Variants in ZC4H2 observed in about 807,000 individuals in gnomAD.
The protein encoded by ZC4H2 is zinc finger C4H2 domain-containing protein.
For missense variants in ZC4H2, 137 were observed against 173.9 expected (o/e 0.79, Z 1.19); for synonymous variants, 84 against 66.3 (o/e 1.27, Z -1.30).
At chrX:64,918,836 A>G in intron 4 of ZC4H2, 1 of 355,896 alleles carries the variant, frequency 2.8e-6, no homozygotes, top group Non-Finnish European at 4.6e-6. Flanking sequence ...CTGCATTCTA[A>G]CACCTCTGGG....
At chrX:64,964,276 G>A (rs1473110163) in intron 1 of ZC4H2, among the ~76,000 whole-genome samples, 1 of 110,989 alleles carries the variant, frequency 9.0e-6, no homozygotes, top group Non-Finnish European at 1.9e-5. Flanking sequence ...AGACCAAGAA[G>A]AAAGAGGAAG....
At chrX:64,936,425 C>T (rs1323570319) in intron 1 of ZC4H2, among the ~76,000 whole-genome samples, 1 of 110,913 alleles carries the variant, frequency 9.0e-6, no homozygotes, top group Non-Finnish European at 1.9e-5. Context: ...ACAGAGAACA[C>T]CTCAAAGATA....
chrX:64,935,606 G>C (rs146098820), intron 1 of ZC4H2, among the ~76,000 whole-genome samples: 1 of 112,083 alleles, frequency 8.9e-6, no homozygotes, highest in African/African-American at 3.2e-5. Context: ...GCCCCTCTGG[G>C]AGAAAACTTC....
At position 64,916,832 on chromosome X, in the gene ZC4H2, A is replaced by T. The variant is rs774679667; in HGVS notation, c.*951T>A. ...GAGAGCAAGGGATGAATGGAAGGAAAGTCCCACCCACCTTCATGTGTAAAG... is the reference window on the plus strand; with the variant it reads ...GAGAGCAAGGGATGAATGGAAGGAATGTCCCACCCACCTTCATGTGTAAAG... On this transcript the variant is annotated 3_prime_UTR_variant, in exon 5 of 5. Transcript: ENST00000374839. 10 of 112,101 alleles carry T rather than the reference A, an allele frequency of 8.9e-5. No homozygotes were observed. The highest frequency in any genetic ancestry group is 1.7e-4 in the Non-Finnish European group (9 of 53,198). The allele number at this position is 112,101 out of a possible 1,213,427, so 9.2% of individuals were successfully genotyped here. A position where few individuals can be genotyped will look rare whatever the true frequency, so the allele number is the denominator to read the frequency against.
In ZC4H2 at chrX:64,987,738, TTTA is replaced by T. The variant is rs375952881; in HGVS notation, c.-272+46888_-272+46890del. On this transcript the variant is annotated intron_variant, in intron 1 of 4. Transcript: ENST00000337990. ...AAATTATCACCTCTGAATTCTTTTT[TTTA>T]TTATTATTATACTTTAAGTTTTAGG... is the stretch of plus-strand genomic sequence containing the variant. Among the ~76,000 whole-genome samples, 11 of 109,794 alleles carry T rather than the reference TTTA, an allele frequency of 1.0e-4. No homozygotes were observed. The East Asian group carries it at 2.6e-3, about 26-fold the overall frequency.
intron 1 of ZC4H2, among the ~76,000 whole-genome samples, chrX:64,940,881 G>A (rs1930250729): frequency 9.0e-6 from 1 of 111,642 alleles, no homozygotes; most frequent in Non-Finnish European, 1.9e-5. Context: ...TGCTATACGG[G>A]CTCTTTTTTG....
At chrX:65,031,955 C>T (rs1312258209) in intron 1 of ZC4H2, among the ~76,000 whole-genome samples, 1 of 112,338 alleles carries the variant, frequency 8.9e-6, no homozygotes, top group Non-Finnish European at 1.9e-5. Flanking sequence ...TTTGAATTTG[C>T]AGTCTCTTGA....
At chrX:64,986,364 G>A (rs1414856406) in intron 1 of ZC4H2, among the ~76,000 whole-genome samples, 1 of 112,178 alleles carries the variant, frequency 8.9e-6, no homozygotes, top group East Asian at 2.8e-4. Context: ...TGGCAAGCCA[G>A]GTCAAGCTAA....
At chrX:65,026,817 G>C (rs1275022587) in intron 1 of ZC4H2, among the ~76,000 whole-genome samples, 1 of 112,058 alleles carries the variant, frequency 8.9e-6, no homozygotes, top group Non-Finnish European at 1.9e-5. Flanking sequence ...TAGGAACTCA[G>C]CTGCTATCTG....
chrX:65,002,006 C>G (rs1932547288), intron 1 of ZC4H2, among the ~76,000 whole-genome samples: 1 of 111,204 alleles, frequency 9.0e-6, no homozygotes. Context: ...GACTTTAACA[C>G]CCCACTGTCA....
chrX:65,002,219 C>T (rs200337342), intron 1 of ZC4H2, among the ~76,000 whole-genome samples: 88 of 112,203 alleles, frequency 7.8e-4, no homozygotes, highest in East Asian at 5.6e-3. Context: ...TGAGCAAATG[C>T]AAAAGAATGG....
chrX:64,959,527 A>C (rs1390809421), intron 1 of ZC4H2, among the ~76,000 whole-genome samples: 2 of 107,204 alleles, frequency 1.9e-5, no homozygotes, highest in Non-Finnish European at 3.8e-5. Flanking sequence ...TGAAAGACCT[A>C]ATGTAGACTT....
intron 1 of ZC4H2, among the ~76,000 whole-genome samples, chrX:64,932,219 C>T (rs1243802096): frequency 9.0e-6 from 1 of 110,921 alleles, no homozygotes; most frequent in Non-Finnish European, 1.9e-5. Context: ...ATATTTTTTA[C>T]CACCCCTTTA....
intron 1 of ZC4H2, among the ~76,000 whole-genome samples, chrX:64,931,325 AT>A (rs1461634647): frequency 9.0e-6 from 1 of 110,829 alleles, no homozygotes; most frequent in African/African-American, 3.3e-5. Flanking sequence ...TATCTTTTGC[AT>A]TGTTTTTGTT....
At chrX:64,922,125 A>G in intron 1 of ZC4H2, 137 bp from the exon 2 acceptor site, 1 of 1,095,875 alleles carries the variant, frequency 9.1e-7, no homozygotes, top group Non-Finnish European at 1.2e-6. Flanking sequence ...ATCTCAAAAA[A>G]GAAGGCCAGG....
intron 1 of ZC4H2, among the ~76,000 whole-genome samples, chrX:64,999,039 GTTTTTTTTTTT>G (rs58094683): frequency 4.2e-4 from 5 of 11,841 alleles, no homozygotes; most frequent in Non-Finnish European, 6.1e-4. Context: ...TGGATTATGT[GTTTTTTTTTTT>G]TTTTTTTTTT....
chrX:64,974,919 G>A (rs1019673304), intron 1 of ZC4H2, among the ~76,000 whole-genome samples: 1 of 99,618 alleles, frequency 1.0e-5, no homozygotes, highest in Non-Finnish European at 2.0e-5. Context: ...ATGACAGCTG[G>A]CATTCTACTG....
At chrX:64,954,390 T>TTATATA (rs200900040) in intron 1 of ZC4H2, among the ~76,000 whole-genome samples, 806 of 72,051 alleles carry the variant, frequency 0.011, 146 homozygotes, top group African/African-American at 0.1. Flanking sequence ...ATATTTATAA[T>TTATATA]TATATATATA....
intron 1 of ZC4H2, among the ~76,000 whole-genome samples, chrX:64,946,459 G>A (rs1040811791): frequency 3.6e-5 from 4 of 109,745 alleles, no homozygotes; most frequent in Admixed American, 9.7e-5. Context: ...GAGAGGAACC[G>A]GGTACCTCAG....
Sources: allele counts gnomAD v4.1 joint callset (sites outside exome capture counted in the v4.1 genomes callset), GRCh38; gene constraint gnomAD v4.1.1; transcripts MANE v1.5; gene names NCBI Gene and HGNC (gene_info 2026-07-23, HGNC 2026-07-21).